CEP89: variants seen among roughly 807,000 people sequenced by gnomAD.
CEP89 encodes the protein centrosomal protein 89, also known as centrosomal protein of 89 kDa.
CEP89 carries 95 observed loss-of-function variants against 97.6 expected under a neutral mutation model. That is an observed-to-expected ratio of 0.97 (90% CI 0.82 to 1.15). The LOEUF (loss-of-function observed/expected upper bound fraction) is 1.15. Ranked by LOEUF, CEP89 falls within the 50% of genes most tolerant of loss-of-function variation. The pLI is 0.00. For missense variants in CEP89, 869 were observed against 947.7 expected (o/e 0.92, Z 1.09); for synonymous variants, 354 against 349.1 (o/e 1.01, Z -0.16).
intron 3 of CEP89, among the ~76,000 whole-genome samples, chr19:32,955,053 T>A (rs979607593): frequency 3.3e-5 from 5 of 152,072 alleles, no homozygotes; most frequent in African/African-American, 9.7e-5. Context: ...GGTGCAATCT[T>A]GGCTTACTGC....
Position 32,944,220 on chromosome 19 carries a change from T to TAAAAAAAAAAAAAAAAAAAA in CEP89, c.595+4045_595+4046insTTTTTTTTTTTTTTTTTTTT, listed in dbSNP as rs750448528. Among the ~76,000 whole-genome samples, 210 of 62,372 alleles carry TAAAAAAAAAAAAAAAAAAAA rather than the reference T, an allele frequency of 3.4e-3. 27 individuals carry two copies. The highest frequency in any genetic ancestry group is 8.2e-3 in the African/African-American group (122 of 14,874). The allele number at this position is 62,372 out of a possible 152,430, so 40.9% of individuals were successfully genotyped here. A position where few individuals can be genotyped will look rare whatever the true frequency, so the allele number is the denominator to read the frequency against. The stretch of plus-strand genomic sequence containing the variant: ...GCCTGGGCAACAGAGTGAGACCCTG[T>TAAAAAAAAAAAAAAAAAAAA]AAAAAAAAAAAAAAAAAGACTCTTC... On this transcript the variant is annotated intron_variant, in intron 5 of 18. Transcript: ENST00000305768.
intron 12 of CEP89, among the ~76,000 whole-genome samples, chr19:32,923,053 G>A (rs1201097145): frequency 1.3e-5 from 2 of 152,130 alleles, no homozygotes; most frequent in African/African-American, 4.8e-5. Context: ...GGTCGTGCAA[G>A]CCTCATGAGC....
intron 15 of CEP89, 60 bp downstream of exon 15, chr19:32,901,185 C>T: frequency 6.5e-7 from 1 of 1,532,684 alleles, no homozygotes; most frequent in Non-Finnish European, 8.9e-7. Context: ...TGTACCCAGA[C>T]CATTTGTCTT....
At chr19:32,942,337 C>T (rs367765522) in intron 5 of CEP89, among the ~76,000 whole-genome samples, 34 of 152,070 alleles carry the variant, frequency 2.2e-4, no homozygotes, top group African/African-American at 7.2e-4. Context: ...GCTGAGATCA[C>T]GCCACCACAC....
intron 7 of CEP89, chr19:32,937,260 T>G (rs3816031): frequency 0.55 from 168,242 of 307,142 alleles, 46,858 homozygotes; most frequent in Admixed American, 0.63. Flanking sequence ...GCACCTGCCT[T>G]CCCAGTACGG....
intron 1 of CEP89, among the ~76,000 whole-genome samples, chr19:32,967,232 G>T (rs980809747): frequency 6.6e-6 from 1 of 152,182 alleles, no homozygotes; most frequent in Non-Finnish European, 1.5e-5. Flanking sequence ...CAAGACGAGA[G>T]TAATGAAAAC....
intron 14 of CEP89, among the ~76,000 whole-genome samples, chr19:32,910,308 AGG>A: frequency 7.1e-6 from 1 of 141,524 alleles, no homozygotes; most frequent in East Asian, 2.3e-4. Context: ...AGAGGGAGGG[AGG>A]GAGGGAGAGA....
chr19:32,918,153 G>T, intron 13 of CEP89, 71 bp downstream of exon 13: 1 of 1,267,814 alleles, frequency 7.9e-7, no homozygotes, highest in Non-Finnish European at 1.1e-6. Flanking sequence ...CCCCCGGCAG[G>T]AGAGAGATAG....
In CEP89 at chr19:32,948,688, C is replaced by T. The variant is rs182305242; in HGVS notation, c.493-320G>A. On this transcript the variant is annotated intron_variant, in intron 4 of 18. Coordinates refer to ENST00000305768, the MANE Select transcript of CEP89 (RefSeq NM_032816.5). Reference sequence around the variant, plus strand: ...CATCCCTGCCAGGGACCACCCAATGCCACTCCACCCTGGTACTGACACCAT... The same window carrying T: ...CATCCCTGCCAGGGACCACCCAATGTCACTCCACCCTGGTACTGACACCAT... Among the ~76,000 whole-genome samples, 426 of 152,238 alleles carry T rather than the reference C, an allele frequency of 2.8e-3. 1 individual carries two copies. Among genetic ancestry groups the T allele is most frequent in the Middle Eastern group, 0.017 (5 of 294 alleles).
At chr19:32,937,381 C>T in intron 7 of CEP89, 1 of 472,946 alleles carries the variant, frequency 2.1e-6, no homozygotes, top group Admixed American at 3.7e-5. Context: ...CTCCCTTCCC[C>T]CAGGATCCCA....
intron 1 of CEP89, among the ~76,000 whole-genome samples, chr19:32,967,152 A>T (rs1298465920): frequency 6.6e-6 from 1 of 152,140 alleles, no homozygotes; most frequent in Non-Finnish European, 1.5e-5. Context: ...TCAATCCTGG[A>T]ACTCTAGCAT....
chr19:32,898,663 CTT>C (rs1211019355), intron 16 of CEP89, among the ~76,000 whole-genome samples: 2 of 152,096 alleles, frequency 1.3e-5, no homozygotes, highest in African/African-American at 4.8e-5. Flanking sequence ...GGGCAGATCT[CTT>C]GAGGCCAGGA....
At position 32,892,190 on chromosome 19, in the gene CEP89, T is replaced by TAC. The variant is rs56905374; in HGVS notation, c.1876-4350_1876-4349insGT. 1.5e-5 allele frequency among the ~76,000 whole-genome samples: 2 copies of TAC among 134,136 alleles called. 1 individual carries two copies. Among genetic ancestry groups the TAC allele is most frequent in the African/African-American group, 5.3e-5 (2 of 37,818 alleles). The allele number at this position is 134,136 out of a possible 152,430, so 88.0% of individuals were successfully genotyped here. A position where few individuals can be genotyped will look rare whatever the true frequency, so the allele number is the denominator to read the frequency against. On this transcript the variant is annotated intron_variant, in intron 16 of 18. Coordinates refer to ENST00000305768, the MANE Select transcript of CEP89 (RefSeq NM_032816.5). ...TATATTTAGACATATATATTTAGAA[T>TAC]ATATATTTAGACATATATATATATA... is the stretch of plus-strand genomic sequence containing the variant.
intron 4 of CEP89, 143 bp from the exon 5 acceptor site, chr19:32,948,511 T>C: frequency 3.7e-6 from 2 of 540,332 alleles, no homozygotes; most frequent in Non-Finnish European, 6.6e-6. Flanking sequence ...CTTTCCTCAG[T>C]GACACACAAA....
intron 16 of CEP89, among the ~76,000 whole-genome samples, chr19:32,888,650 T>C (rs1053603913): frequency 6.7e-6 from 1 of 148,924 alleles, no homozygotes; most frequent in African/African-American, 2.5e-5. Context: ...GCCACCGCAC[T>C]CCAGCCTGGG....
intron 16 of CEP89, among the ~76,000 whole-genome samples, chr19:32,890,405 CCAAA>C (rs141051475): frequency 0.15 from 22,617 of 151,920 alleles, 2,010 homozygotes; most frequent in Non-Finnish European, 0.21. Flanking sequence ...ATCTCAAAAA[CCAAA>C]CAAACAAACA....
intron 5 of CEP89, among the ~76,000 whole-genome samples, chr19:32,945,059 A>G (rs551204161): frequency 1.3e-4 from 20 of 152,162 alleles, no homozygotes; most frequent in Non-Finnish European, 2.2e-4. Flanking sequence ...TCCTCTGTGT[A>G]CTTGTGAAAA....
At chr19:32,902,002 C>CTGTGTGTGTGTG (rs1471468250) in intron 14 of CEP89, among the ~76,000 whole-genome samples, 51 of 105,020 alleles carry the variant, frequency 4.9e-4, no homozygotes, top group Middle Eastern at 4.2e-3. Context: ...CTCTGTCTCT[C>CTGTGTGTGTGTG]TCTCTCTCTG....
At chr19:32,932,109 G>T (rs987079074) in intron 8 of CEP89, among the ~76,000 whole-genome samples, 20 of 151,684 alleles carry the variant, frequency 1.3e-4, no homozygotes, top group Non-Finnish European at 2.5e-4. Flanking sequence ...TGAACCCAGG[G>T]GGTGGAGCTC....
Sources: allele counts gnomAD v4.1 joint callset (sites outside exome capture counted in the v4.1 genomes callset), GRCh38; gene constraint gnomAD v4.1.1; transcripts MANE v1.5; gene names NCBI Gene and HGNC (gene_info 2026-07-23, HGNC 2026-07-21).